Variants in CSMD3 observed in about 807,000 individuals in gnomAD.
CSMD3 encodes the protein CUB and sushi domain-containing protein 3.
A neutral mutation model predicts 435.2 loss-of-function variants in CSMD3; 177 were observed. The observed-to-expected ratio is 0.41, with a 90% CI of 0.36 to 0.46. CSMD3 has a LOEUF of 0.46. Ranked by LOEUF, CSMD3 falls within the 20% of genes least tolerant of loss-of-function variation. CSMD3 has a pLI of 0.34. For missense variants in CSMD3, 4,265 were observed against 4,504.6 expected, an observed-to-expected ratio of 0.95 and a Z score of 1.52; for synonymous variants, 1,656 against 1,520.5, an observed-to-expected ratio of 1.09 and a Z score of -2.07.
intron 3 of CSMD3, among the ~76,000 whole-genome samples, chr8:113,261,994 T>C (rs1279553366): frequency 6.6e-6 from 1 of 152,106 alleles, no homozygotes; most frequent in Admixed American, 6.6e-5. Context: ...ATTTACAGTA[T>C]CTGAGTGATA....
At chr8:113,058,989 GT>G (rs2088479650) in intron 5 of CSMD3, among the ~76,000 whole-genome samples, 1 of 151,950 alleles carries the variant, frequency 6.6e-6, no homozygotes, top group Non-Finnish European at 1.5e-5. Flanking sequence ...ATGGCAAAAG[GT>G]AAGTGGTACT....
intron 13 of CSMD3, 42 bp downstream of exon 13, chr8:112,800,120 T>C (rs369708550): frequency 9.6e-6 from 12 of 1,252,090 alleles, no homozygotes; most frequent in Non-Finnish European, 1.1e-5. Flanking sequence ...TATTCTCTGG[T>C]GGTATTAAGA....
intron 5 of CSMD3, among the ~76,000 whole-genome samples, chr8:113,078,789 A>C (rs2089446006): frequency 6.6e-6 from 1 of 152,158 alleles, no homozygotes; most frequent in Non-Finnish European, 1.5e-5. Flanking sequence ...TAATAGCTGC[A>C]CAGAGTCCTC....
chr8:113,102,121 T>C (rs1034025909), intron 4 of CSMD3, among the ~76,000 whole-genome samples: 1 of 152,060 alleles, frequency 6.6e-6, no homozygotes, highest in African/African-American at 2.4e-5. Flanking sequence ...TTGGTACATA[T>C]CCTGTAAATG....
chr8:112,610,672 C>T (rs1259688249), intron 22 of CSMD3, among the ~76,000 whole-genome samples: 3 of 152,014 alleles, frequency 2.0e-5, no homozygotes, highest in Admixed American at 6.6e-5. Context: ...TTTTTCCTAA[C>T]GCTTTGCAAA....
chr8:113,074,283 T>G (rs2089252563), intron 5 of CSMD3, among the ~76,000 whole-genome samples: 1 of 151,850 alleles, frequency 6.6e-6, no homozygotes, highest in African/African-American at 2.4e-5. Context: ...TGTAATGCAT[T>G]ATTAATTCCA....
intron 5 of CSMD3, among the ~76,000 whole-genome samples, chr8:113,060,439 G>A (rs2088563921): frequency 6.6e-6 from 1 of 151,800 alleles, no homozygotes; most frequent in Non-Finnish European, 1.5e-5. Context: ...ATTGTGAATA[G>A]TGTAGGGCCT....
chr8:112,960,663 CTAAG>C (rs1164696986), intron 7 of CSMD3, among the ~76,000 whole-genome samples: 6 of 151,352 alleles, frequency 4.0e-5, no homozygotes, highest in Middle Eastern at 3.4e-3. Flanking sequence ...AGTAGTACAA[CTAAG>C]TATTTTAAAA....
At chr8:112,290,961 A>G (rs911736806) in intron 56 of CSMD3, among the ~76,000 whole-genome samples, 4 of 152,062 alleles carry the variant, frequency 2.6e-5, no homozygotes, top group Admixed American at 6.6e-5. Context: ...TTTTATGTAC[A>G]TTCTACAACT....
chr8:112,363,646 T>A (rs1827475990), intron 38 of CSMD3, among the ~76,000 whole-genome samples: 1 of 151,876 alleles, frequency 6.6e-6, no homozygotes, highest in Non-Finnish European at 1.5e-5. Flanking sequence ...AAACCTAGAT[T>A]AGGCTAAAAC....
chr8:113,225,279 G>A (rs540494258), intron 3 of CSMD3, among the ~76,000 whole-genome samples: 1 of 151,522 alleles, frequency 6.6e-6, no homozygotes, highest in African/African-American at 2.4e-5. Flanking sequence ...TTTCTGCACC[G>A]TCCTGAAAAT....
chr8:112,660,666 C>T (rs2075358467), intron 17 of CSMD3, among the ~76,000 whole-genome samples: 1 of 152,062 alleles, frequency 6.6e-6, no homozygotes, highest in African/African-American at 2.4e-5. Context: ...GCGTTTATTT[C>T]AGTTTACAAC....
rs1187464911 is a variant in CSMD3 at position 112,644,441 on chromosome 8, A to G, written c.3310+668T>C. 1.3e-5 allele frequency among the ~76,000 whole-genome samples: 2 copies of G among 152,042 alleles called. 1 individual carries two copies. Among genetic ancestry groups the G allele is most frequent in the Non-Finnish European group, 2.9e-5 (2 of 67,916 alleles). On this transcript the variant is annotated intron_variant, in intron 20 of 70. Coordinates refer to ENST00000297405, the MANE Select transcript of CSMD3 (RefSeq NM_198123.2). ...ATGTCATTCTTTACAGATTCCTTTCAAAACAGTGAAGTAGGTTGTAAAAGT... is the reference window on the plus strand; with the variant it reads ...ATGTCATTCTTTACAGATTCCTTTCGAAACAGTGAAGTAGGTTGTAAAAGT...
At chr8:112,606,183 C>T (rs1309611575) in intron 22 of CSMD3, among the ~76,000 whole-genome samples, 3 of 152,122 alleles carry the variant, frequency 2.0e-5, no homozygotes, top group Admixed American at 6.6e-5. Context: ...TTACCTATGT[C>T]GCCTGTACCC....
At chr8:112,306,658 T>G (rs1821448724) in intron 50 of CSMD3, among the ~76,000 whole-genome samples, 1 of 152,176 alleles carries the variant, frequency 6.6e-6, no homozygotes, top group Admixed American at 6.5e-5. Context: ...AATAGATTTA[T>G]TTTACCTGAA....
intron 4 of CSMD3, among the ~76,000 whole-genome samples, chr8:113,169,857 C>T (rs1019602922): frequency 1.3e-5 from 2 of 152,090 alleles, no homozygotes; most frequent in Non-Finnish European, 2.9e-5. Flanking sequence ...CAAGACTTGG[C>T]GCATAGGAAT....
intron 32 of CSMD3, among the ~76,000 whole-genome samples, chr8:112,452,064 C>A (rs1816348676): frequency 6.6e-6 from 1 of 152,098 alleles, no homozygotes; most frequent in Non-Finnish European, 1.5e-5. Flanking sequence ...GTCTGCCAGA[C>A]CATACTGCCA....
intron 30 of CSMD3, among the ~76,000 whole-genome samples, chr8:112,493,110 G>T (rs560247678): frequency 3.6e-4 from 54 of 152,030 alleles, no homozygotes; most frequent in African/African-American, 1.3e-3. Flanking sequence ...CTTTTTGGGG[G>T]GGCTCAAAGT....
At position 112,352,481 on chromosome 8, in the gene CSMD3, T is replaced by A; in HGVS notation, c.6190A>T (p.Ile2064Phe). 1 of 1,613,690 alleles carries A rather than the reference T, an allele frequency of 6.2e-7. No homozygotes were observed. ...TCTCCAACCATATATCTGTCTCCAA[T>A]TTTAATTCCACTGCTAGGAGTTTGT... ...EPQTPSSGIKIGDRYMVGDVV... is the reference protein window; with the variant it reads ...EPQTPSSGIKFGDRYMVGDVV... The change falls in exon 39 of 71, where the codon ATT (isoleucine) becomes TTT (phenylalanine). Residue 2064 changes from isoleucine to phenylalanine, a missense_variant. Physicochemically the swap from Ile to Phe is conservative, Grantham distance 21 (BLOSUM62 0). Around this residue, in one of 3 missense-constraint regions of CSMD3, gnomAD observed 3,255 missense variants for 3,380.2 expected, o/e 0.96. Transcript: ENST00000297405.
Sources: gnomAD v4.1 joint callset for allele counts (sites outside exome capture counted in the v4.1 genomes callset) on GRCh38, gnomAD v4.1.1 for gene constraint, gnomAD v4.1.1 regional missense constraint, MANE v1.5 for transcripts, NCBI Gene and HGNC (gene_info 2026-07-23, HGNC 2026-07-21) for gene names.